CFAP299: variants seen among roughly 807,000 people sequenced by gnomAD.
CFAP299 encodes cilia and flagella associated protein 299.
Under a neutral mutation model 27.0 loss-of-function variants are expected in CFAP299, and 21 were observed. The ratio of observed to expected loss-of-function variants is 0.78; its 90% CI spans 0.55 to 1.12. CFAP299 has a LOEUF of 1.12. Among genes scored for constraint, CFAP299 ranks in the 50% most tolerant of loss-of-function variants. The pLI is 0.00. For missense variants in CFAP299, 310 were observed against 276.6 expected, an observed-to-expected ratio of 1.12 and a Z score of -0.86; for synonymous variants, 104 against 98.1, an observed-to-expected ratio of 1.06 and a Z score of -0.36.
intron 2 of CFAP299, among the ~76,000 whole-genome samples, chr4:80,452,018 G>A (rs1728928643): frequency 6.6e-6 from 1 of 152,126 alleles, no homozygotes; most frequent in South Asian, 2.1e-4. Flanking sequence ...CAGTTGATGG[G>A]AATGTATAAA....
chr4:80,841,892 A>T (rs1730879818), intron 3 of CFAP299, among the ~76,000 whole-genome samples: 1 of 151,848 alleles, frequency 6.6e-6, no homozygotes. Context: ...TTACTAGTAT[A>T]AAAAAAAGGT....
intron 2 of CFAP299, among the ~76,000 whole-genome samples, chr4:80,469,206 G>A (rs1729862067): frequency 6.6e-6 from 1 of 152,186 alleles, no homozygotes; most frequent in Non-Finnish European, 1.5e-5. Flanking sequence ...AACTGATGGA[G>A]GATCCCTGTG....
chr4:80,464,610 AAC>A (rs1729617882), intron 2 of CFAP299, among the ~76,000 whole-genome samples: 1 of 152,064 alleles, frequency 6.6e-6, no homozygotes, highest in African/African-American at 2.4e-5. Context: ...TTTCCTTTTA[AAC>A]ACACTCTTTC....
chr4:80,508,315 A>G (rs1388157919), intron 2 of CFAP299, among the ~76,000 whole-genome samples: 1 of 152,176 alleles, frequency 6.6e-6, no homozygotes, highest in Non-Finnish European at 1.5e-5. Context: ...ATTTTCTATA[A>G]TGTGGTGGAA....
chr4:80,740,324 A>T (rs1014869358), intron 3 of CFAP299, among the ~76,000 whole-genome samples: 1 of 152,144 alleles, frequency 6.6e-6, no homozygotes, highest in African/African-American at 2.4e-5. Flanking sequence ...AGGTATTTGA[A>T]GCTACTTGGG....
intron 3 of CFAP299, among the ~76,000 whole-genome samples, chr4:80,847,319 G>A (rs538255923): frequency 9.2e-5 from 14 of 152,274 alleles, no homozygotes; most frequent in Non-Finnish European, 1.9e-4. Flanking sequence ...TTGGCCCTTC[G>A]TAGACATACA....
chr4:80,646,455 A>T lies in CFAP299; in HGVS notation c.333+63272A>T, dbSNP rs866621239. Among the ~76,000 whole-genome samples the T allele has an allele frequency of 8.5e-5, 13 of 152,204 alleles. 1 individual carries two copies. The highest frequency in any genetic ancestry group is 4.6e-4 in the Admixed American group (7 of 15,268). ...GCTAATTACAATGGATCTACTGTGC[A>T]GAATAAGAGTACTACAATTAATTCT... On this transcript the variant is annotated intron_variant, in intron 3 of 5. Coordinates refer to ENST00000358105, the MANE Select transcript of CFAP299 (RefSeq NM_152770.3).
chr4:80,599,004 GTCATACTTTGGCC>G (rs956308389), intron 3 of CFAP299, among the ~76,000 whole-genome samples: 1 of 152,164 alleles, frequency 6.6e-6, no homozygotes, highest in African/African-American at 2.4e-5. Context: ...ATGCCTAAAT[GTCATACTTTGGCC>G]TCTAGCCACC....
chr4:80,727,725 GTTA>G (rs757965243), intron 3 of CFAP299, among the ~76,000 whole-genome samples: 8 of 151,708 alleles, frequency 5.3e-5, no homozygotes, highest in South Asian at 2.1e-4. Context: ...TATTATTATT[GTTA>G]TTATTATTAA....
chr4:80,651,420 C>T (rs548782161), intron 3 of CFAP299, among the ~76,000 whole-genome samples: 2 of 148,612 alleles, frequency 1.3e-5, no homozygotes, highest in African/African-American at 5.0e-5. Context: ...GGCTTGACTG[C>T]AGTGGCACGA....
intron 2 of CFAP299, among the ~76,000 whole-genome samples, chr4:80,562,617 C>G (rs1320941284): frequency 6.6e-6 from 1 of 150,610 alleles, no homozygotes; most frequent in Non-Finnish European, 1.5e-5. Context: ...GAGATCATGC[C>G]ACTACACTCC....
At chr4:80,608,314 C>T in intron 3 of CFAP299, 2 of 1,510,208 alleles carry the variant, frequency 1.3e-6, no homozygotes, top group Non-Finnish European at 1.8e-6. Context: ...GTTGGATTTC[C>T]CCTTTTAATT....
At chr4:80,537,999 T>C (rs1733826482) in intron 2 of CFAP299, among the ~76,000 whole-genome samples, 1 of 152,156 alleles carries the variant, frequency 6.6e-6, no homozygotes, top group African/African-American at 2.4e-5. Context: ...AAGACTGCAG[T>C]CATGTGCCAC....
chr4:80,489,564 G>C (rs892408983), intron 2 of CFAP299, among the ~76,000 whole-genome samples: 2 of 152,138 alleles, frequency 1.3e-5, no homozygotes, highest in Non-Finnish European at 2.9e-5. Context: ...AAAGACGTAT[G>C]ATGAGCCAAG....
intron 2 of CFAP299, among the ~76,000 whole-genome samples, chr4:80,480,457 T>C (rs1730507468): frequency 6.6e-6 from 1 of 152,006 alleles, no homozygotes; most frequent in Non-Finnish European, 1.5e-5. Flanking sequence ...GTCTATTCTG[T>C]TGGAAAGTCC....
At chr4:80,692,390 A>G (rs1249101998) in intron 3 of CFAP299, among the ~76,000 whole-genome samples, 6 of 152,164 alleles carry the variant, frequency 3.9e-5, no homozygotes, top group Non-Finnish European at 7.4e-5. Context: ...AAATAACGCC[A>G]CATATCTACA....
intron 2 of CFAP299, among the ~76,000 whole-genome samples, chr4:80,557,254 C>T (rs188845392): frequency 8.5e-5 from 13 of 152,204 alleles, no homozygotes; most frequent in South Asian, 6.2e-4. Flanking sequence ...TCTTCCATGA[C>T]AGTCCCTGGG....
At chr4:80,537,858 A>T (rs546984081) in intron 2 of CFAP299, among the ~76,000 whole-genome samples, 3 of 152,156 alleles carry the variant, frequency 2.0e-5, no homozygotes, top group Non-Finnish European at 2.9e-5. Flanking sequence ...TGATGTGATG[A>T]ATATATTAAT....
At chr4:80,550,687 A>G (rs181677311) in intron 2 of CFAP299, among the ~76,000 whole-genome samples, 5 of 152,006 alleles carry the variant, frequency 3.3e-5, no homozygotes, top group South Asian at 2.1e-4. Flanking sequence ...TTAACTTTCT[A>G]TGTGATTCAG....
Sources: allele counts gnomAD v4.1 joint callset (sites outside exome capture counted in the v4.1 genomes callset), GRCh38; gene constraint gnomAD v4.1.1; transcripts MANE v1.5; gene names NCBI Gene and HGNC (gene_info 2026-07-23, HGNC 2026-07-21).